PCNX3: variants seen among roughly 807,000 people sequenced by gnomAD.
The protein encoded by PCNX3 is pecanex-like protein 3.
In PCNX3, 58 loss-of-function variants were observed where a neutral mutation model predicts 207.2. The observed-to-expected ratio is 0.28, with a 90% CI of 0.23 to 0.35. PCNX3 has a LOEUF of 0.35. Among genes scored for constraint, PCNX3 ranks in the 10% least tolerant of loss-of-function variants. PCNX3 has a pLI of 1.00. For missense variants in PCNX3, 2,410 were observed against 2,774.4 expected (o/e 0.87, Z 2.95); for synonymous variants, 1,337 against 1,183.5 (o/e 1.13, Z -2.66).
rs927861001 is a variant in PCNX3, at chr11:65,636,249, C to T, written c.5535C>T (p.Gly1845=). 2.5e-6 allele frequency: 4 copies of T among 1,588,528 alleles called. No individual in the cohort carries two copies. Among genetic ancestry groups the T allele is most frequent in the Middle Eastern group, 1.7e-4 (1 of 5,930 alleles). ...ATTCAGACTGTAGTGGGGGCGGTGG[C>T]CTGACCTCCCTCAGCAATAACCCCC... ...VDDSDCSGGG[G]LTSLSNNPPV... is the part of the protein sequence containing the mutation. Residue 1845 remains glycine (G), a synonymous_variant, in exon 33 of 35, where the codon GGC becomes GGT. Coordinates refer to ENST00000355703, the MANE Select transcript of PCNX3 (RefSeq NM_032223.4).
In PCNX3 at chr11:65,618,291, T is replaced by G; in HGVS notation, c.929T>G (p.Leu310Trp). ...TTCAGCGGCACTGACAGGGAGACAT[T>G]GAGCAGCTTCAAGAGTGAGAAGACC... ...SCFSGTDRET[L>W]SSFKSEKTNS... Residue 310 changes from leucine (L) to tryptophan (W), a missense_variant, in exon 6 of 35, where the codon TTG (leucine) becomes TGG (tryptophan). This residue lies in a region of PCNX3 where 1,104 missense variants were observed against 970.3 expected (regional missense o/e 1.14). Coordinates refer to ENST00000355703, the MANE Select transcript of PCNX3 (RefSeq NM_032223.4). 6.2e-7 allele frequency: 1 copy of G among 1,610,150 alleles called. No individual in the cohort carries two copies. The highest frequency in any genetic ancestry group is 8.5e-7 in the Non-Finnish European group (1 of 1,178,022).
chr11:65,637,289 G>A lies in PCNX3; in HGVS notation c.*311G>A. On this transcript the variant is annotated 3_prime_UTR_variant, in exon 35 of 35. Transcript: ENST00000355703. ...CAGGACCACCTCAGCCCCTGGGCCT[G>A]CACTGCCTGCAGGTGTGGCCCCCTT... 2.5e-6 allele frequency: 1 copy of A among 396,796 alleles called. No individual in the cohort carries two copies. Among genetic ancestry groups the A allele is most frequent in the Non-Finnish European group, 4.6e-6 (1 of 217,866 alleles). 24.6% of individuals were successfully genotyped at this position (396,796 alleles called of 1,614,324 possible).
At chr11:65,619,997 C>G in intron 8 of PCNX3, 65 bp downstream of exon 8, 2 of 1,484,988 alleles carry the variant, frequency 1.3e-6, no homozygotes, top group East Asian at 2.4e-5. Context: ...CTGAGTCCTC[C>G]TAGCAGTGGT....
At chr11:65,620,716 C>T in intron 9 of PCNX3, 115 bp from the exon 10 acceptor site, 1 of 1,391,560 alleles carries the variant, frequency 7.2e-7, no homozygotes, top group Non-Finnish European at 9.8e-7. Flanking sequence ...GTCCCTTGAG[C>T]CCTGGTTGGT....
In PCNX3 at chr11:65,636,678, C is replaced by A; in HGVS notation, c.5881C>A (p.Pro1961Thr). The change falls in exon 34 of 35, where the codon CCC becomes ACC. Residue 1961 changes from proline (P) to threonine (T), a missense_variant. Pro to Thr is a conservative substitution (Grantham distance 38). This residue lies in a region of PCNX3 where 278 missense variants were observed against 245.1 expected (regional missense o/e 1.13). Transcript: ENST00000355703. ...CTCAGGGAGCCCCAAAGGAGGTACC[C>A]CCAAATCTCAGGTAAGGCACCTGTG... The part of the protein sequence containing the change: ...PASGSPKGGT[P>T]KSQAPLDLSL... 6.3e-7 allele frequency: 1 copy of A among 1,582,726 alleles called. No homozygotes were observed. Among genetic ancestry groups the A allele is most frequent in the South Asian group, 1.2e-5 (1 of 86,940 alleles).
In PCNX3 at chr11:65,627,557, T is replaced by G; in HGVS notation, c.3677T>G (p.Phe1226Cys). The G allele has an allele frequency of 6.2e-7, 1 of 1,613,820 alleles. No homozygotes were observed. The highest frequency in any genetic ancestry group is 1.1e-5 in the South Asian group (1 of 91,082). The change falls in exon 22 of 35, where the codon TTC becomes TGC. Residue 1226 changes from phenylalanine (F) to cysteine (C), a missense_variant. Physicochemically the swap from Phe to Cys is radical, Grantham distance 205. Around this residue, in one of 8 missense-constraint regions of PCNX3, gnomAD observed 333 missense variants for 386.8 expected, o/e 0.86. Transcript: ENST00000355703. ...TCCCAGGGCTTTCTGCTTGACTACT[T>G]CCTCATGTCCCTGCTTTGCAGCAAG... Reference protein sequence around the residue: ...RLSQGFLLDYFLMSLLCSKLW... With the variant: ...RLSQGFLLDYCLMSLLCSKLW...
Position 65,629,674 on chromosome 11 carries a change from G to A in PCNX3, c.4155G>A (p.Val1385=). The A allele has an allele frequency of 6.4e-7, 1 of 1,571,984 alleles. No homozygotes were observed. The highest frequency in any genetic ancestry group is 8.6e-7 in the Non-Finnish European group (1 of 1,158,850). The change falls in exon 26 of 35, where the codon GTG becomes GTA. Residue 1385 remains valine (V), a synonymous_variant. Transcript: ENST00000355703. The part of the protein sequence containing the change: ...VLASDYLNAL[V]HLIEVGNGLV... ...CCTCTGACTACCTCAACGCCCTGGT[G>A]CACCTCATCGAGGTTGGCAATGGCC...
At position 65,628,822 on chromosome 11, in the gene PCNX3, C is replaced by T; in HGVS notation, c.3815C>T (p.Ser1272Leu). Residue 1272 changes from serine to leucine, a missense_variant, in exon 24 of 35, where the codon TCG becomes TTG. This residue lies in a region of PCNX3 where 420 missense variants were observed against 705.3 expected (regional missense o/e 0.60). Transcript: ENST00000355703. ...CGCCTCCTTGACTGTGGCTCAGACT[C>T]GGCCATGCTGTTCGTCCAGGCCCTG... ...AFAQPFAVPHSAMLFVQALLS... is the reference protein window; with the variant it reads ...AFAQPFAVPHLAMLFVQALLS... 1 of 1,611,406 alleles carries T rather than the reference C, an allele frequency of 6.2e-7. No homozygotes were observed. Among genetic ancestry groups the T allele is most frequent in the Non-Finnish European group, 8.5e-7 (1 of 1,179,776 alleles).
intron 11 of PCNX3, 39 bp downstream of exon 11, chr11:65,622,405 G>T (rs575611163): frequency 4.5e-6 from 7 of 1,569,964 alleles, no homozygotes; most frequent in Non-Finnish European, 6.0e-6. Flanking sequence ...TTCTTGGAAA[G>T]CCCCTGGACC....
rs368192591 is a variant in PCNX3, at chr11:65,624,435, C to T, written c.2717-36C>T. 5.9e-4 allele frequency: 918 copies of T among 1,558,704 alleles called. 1 individual carries two copies. Among genetic ancestry groups the T allele is most frequent in the Non-Finnish European group, 7.2e-4 (832 of 1,150,352 alleles). ...CCGAGGGTGGGCCGCGGAAAGCCAG[C>T]AGGCTGACCAGGCCTTCGTGTCCCC... On this transcript the variant is annotated intron_variant, in intron 14 of 34. Transcript: ENST00000355703.
Position 65,618,604 on chromosome 11 carries a change from A to G in PCNX3, c.1242A>G (p.Glu414=), listed in dbSNP as rs202080396. Residue 414 remains glutamate, a synonymous_variant, in exon 6 of 35, where the codon GAA becomes GAG. Transcript: ENST00000355703. ...GTGCCCCTCGACGGCCCCTGCTTGA[A>G]GGTGGGGGCTTCTTTGAGGATGAAG... ...PGRAPRRPLL[E]GGGFFEDEDT... 6.2e-7 allele frequency: 1 copy of G among 1,612,506 alleles called. No homozygotes were observed. Among genetic ancestry groups the G allele is most frequent in the East Asian group, 2.2e-5 (1 of 44,856 alleles).
chr11:65,634,415 C>A (rs1282588139), intron 28 of PCNX3, 59 bp downstream of exon 28: 17 of 1,513,056 alleles, frequency 1.1e-5, no homozygotes, highest in Admixed American at 2.0e-5. Flanking sequence ...CTTCCCTGCT[C>A]CCCTTCTCCC....
Position 65,620,818 on chromosome 11 carries a change from G to T in PCNX3, c.2100-13G>T. ...CGCCCGTGGGGGGATCCTGATGGCTGCTGTTCTCACAGGGACCGACACTCG... is the reference window on the plus strand; with the variant it reads ...CGCCCGTGGGGGGATCCTGATGGCTTCTGTTCTCACAGGGACCGACACTCG... On this transcript the variant is annotated splice_polypyrimidine_tract_variant and intron_variant, in intron 9 of 34. Coordinates refer to ENST00000355703, the MANE Select transcript of PCNX3 (RefSeq NM_032223.4). 1.9e-6 allele frequency: 3 copies of T among 1,593,850 alleles called. No individual in the cohort carries two copies. The South Asian group carries it at 3.4e-5, about 18-fold the overall frequency.
At chr11:65,634,689 C>A (rs1467730362) in intron 29 of PCNX3, 48 bp downstream of exon 29, 14 of 1,483,624 alleles carry the variant, frequency 9.4e-6, no homozygotes, top group African/African-American at 1.4e-5. Flanking sequence ...CCCACCCCAC[C>A]TCTTCCACGA....
In PCNX3 at chr11:65,617,712, T is replaced by G. The variant is rs1854820715; in HGVS notation, c.577+6T>G. On this transcript the variant is annotated splice_donor_region_variant and intron_variant, in intron 5 of 34. Transcript: ENST00000355703. ...CAGCTCGCAGGAGAAACTGAGTGCG[T>G]GGGCCTTATGGGGCCGAGGCTTGTG... 5.8e-6 allele frequency: 9 copies of G among 1,556,566 alleles called. No homozygotes were observed. Among genetic ancestry groups the G allele is most frequent in the Non-Finnish European group, 7.8e-6 (9 of 1,150,530 alleles).
In PCNX3 at chr11:65,623,493, C is replaced by A; in HGVS notation, c.2360C>A (p.Thr787Lys). ...CCCTGACTAGGCTGTCCCTGCAGGA[C>A]GCGGGGAGTGCTGGAGAACATCTTC... is the stretch of plus-strand genomic sequence containing the variant. ...RLALLALLDRTRGVLENIFGV... is the reference protein window; with the variant it reads ...RLALLALLDRKRGVLENIFGV... The change falls in exon 12 of 35, where the codon ACG (threonine) becomes AAG (lysine). Residue 787 changes from threonine to lysine, a missense_variant and splice_region_variant. Around this residue, in one of 8 missense-constraint regions of PCNX3, gnomAD observed 177 missense variants for 257.5 expected, o/e 0.69. Coordinates refer to ENST00000355703, the MANE Select transcript of PCNX3 (RefSeq NM_032223.4). 2 of 1,604,222 alleles carry A rather than the reference C, an allele frequency of 1.2e-6. No homozygotes were observed. Among genetic ancestry groups the A allele is most frequent in the Admixed American group, 1.7e-5 (1 of 59,106 alleles).
rs763360634 is a variant in PCNX3, at chr11:65,636,269, AC to A, written c.5562del (p.Val1855TrpfsTer29). On this transcript the variant is annotated frameshift_variant, in exon 33 of 35. Coordinates refer to ENST00000355703, the MANE Select transcript of PCNX3 (RefSeq NM_032223.4). LOFTEE classifies it high-confidence loss of function. ...GGGGLTSLSN[N>X]PPVAHPTPEN... is the part of the protein sequence containing the mutation. ...GGTGGCCTGACCTCCCTCAGCAATA[AC>A]CCCCCCGTGGCACACCCCACACCTG... 5 of 1,598,084 alleles carry A rather than the reference AC, an allele frequency of 3.1e-6. No homozygotes were observed. Among genetic ancestry groups the A allele is most frequent in the South Asian group, 1.1e-5 (1 of 89,108 alleles).
chr11:65,618,653 A>C lies in PCNX3; in HGVS notation c.1291A>C (p.Ser431Arg). 6.2e-7 allele frequency: 1 copy of C among 1,613,092 alleles called. No homozygotes were observed. Among genetic ancestry groups the C allele is most frequent in the Non-Finnish European group, 8.5e-7 (1 of 1,179,830 alleles). ...DEDTSEGSEL[S>R]PASSLRSQRR... Reference sequence around the variant, plus strand: ...AGACACTAGTGAGGGCAGTGAACTGAGCCCGGCCTCCAGTCTCCGATCGCA... The same window carrying C: ...AGACACTAGTGAGGGCAGTGAACTGCGCCCGGCCTCCAGTCTCCGATCGCA... The change falls in exon 6 of 35, where the codon AGC becomes CGC. Residue 431 changes from serine to arginine, a missense_variant. By Grantham distance (110) the Ser-to-Arg change is moderately radical. This residue lies in a region of PCNX3 where 1,104 missense variants were observed against 970.3 expected (regional missense o/e 1.14). Transcript: ENST00000355703.
In PCNX3 at chr11:65,625,289, GC is replaced by G. The variant is rs1565162994; in HGVS notation, c.3029+10del. 6.2e-7 allele frequency: 1 copy of G among 1,602,820 alleles called. No homozygotes were observed. ...GACCCCACCGTGCTCTGGTGGGTGTGCTCCGGGTCGTGTGTTTGTGTCTGCC... is the reference window on the plus strand; with the variant it reads ...GACCCCACCGTGCTCTGGTGGGTGTGTCCGGGTCGTGTGTTTGTGTCTGCC... On this transcript the variant is annotated intron_variant, in intron 17 of 34. Transcript: ENST00000355703. The surrounding 1 kb of genome is among the most constrained non-coding windows in gnomAD (Gnocchi z 5.6).
Sources: allele counts gnomAD v4.1 joint callset, GRCh38; gene constraint gnomAD v4.1.1; regional missense constraint gnomAD v4.1.1; non-coding constraint Gnocchi (gnomAD v3.1); transcripts MANE v1.5; gene names NCBI Gene and HGNC (gene_info 2026-07-23, HGNC 2026-07-21).